CDC42BPB: variants seen among roughly 807,000 people sequenced by gnomAD.
CDC42BPB encodes the protein CDC42 binding protein kinase beta.
In CDC42BPB, 37 loss-of-function variants were observed where a neutral mutation model predicts 214.9. The ratio of observed to expected loss-of-function variants is 0.17; its 90% CI spans 0.13 to 0.23. The LOEUF is 0.23. Among genes scored for constraint, CDC42BPB ranks in the 10% least tolerant of loss-of-function variants. The pLI is 1.00. For missense variants in CDC42BPB, 1,694 were observed against 2,227.0 expected, an observed-to-expected ratio of 0.76 and a Z score of 4.82; for synonymous variants, 931 against 884.0, an observed-to-expected ratio of 1.05 and a Z score of -0.94.
chr14:102,954,306 G>A, intron 22 of CDC42BPB, 31 bp from the exon 23 acceptor site: 1 of 1,482,862 alleles, frequency 6.7e-7, no homozygotes, highest in Non-Finnish European at 9.0e-7. Flanking sequence ...GTGAGTGTCG[G>A]CCCAGCTCAG....
intron 17 of CDC42BPB, chr14:102,966,668 T>A: frequency 3.7e-6 from 1 of 268,628 alleles, no homozygotes; most frequent in Non-Finnish European, 5.7e-6. Context: ...CCACAAAAAT[T>A]AAAAATAAAA....
intron 1 of CDC42BPB, among the ~76,000 whole-genome samples, chr14:103,013,825 G>C (rs1181114069): frequency 4.6e-5 from 7 of 152,162 alleles, no homozygotes; most frequent in Non-Finnish European, 1.0e-4. Flanking sequence ...ATAAATATCT[G>C]TTGTTTAAGC....
intron 4 of CDC42BPB, among the ~76,000 whole-genome samples, chr14:103,003,426 CCT>C (rs1459976003): frequency 6.6e-6 from 1 of 152,186 alleles, no homozygotes; most frequent in Non-Finnish European, 1.5e-5. Flanking sequence ...GAAAGCAAGC[CCT>C]GTTTAAATCG....
chr14:102,939,697 G>A lies in CDC42BPB; in HGVS notation c.4740C>T (p.Ser1580=). ...REMLRDPELR[S]KMISNPTNFN... is the part of the protein sequence containing the mutation. ...AGTTGGTTGGGTTGGATATCATTTT[G>A]GATCTCAATTCTGGGTCTCTAAGCA... Residue 1580 remains serine, a synonymous_variant, in exon 34 of 37, where the codon TCC becomes TCT. Coordinates refer to ENST00000361246, the MANE Select transcript of CDC42BPB (RefSeq NM_006035.4). 6.2e-7 allele frequency: 1 copy of A among 1,614,184 alleles called. No homozygotes were observed. The highest frequency in any genetic ancestry group is 1.6e-4 in the Middle Eastern group (1 of 6,062).
intron 32 of CDC42BPB, 49 bp from the exon 33 acceptor site, chr14:102,939,996 C>T (rs200373977): frequency 2.7e-5 from 44 of 1,613,732 alleles, no homozygotes; most frequent in African/African-American, 9.3e-5. Context: ...CAGGGACACA[C>T]GCCCCTCCAA....
intron 12 of CDC42BPB, among the ~76,000 whole-genome samples, chr14:102,973,662 C>G (rs1344569525): frequency 1.3e-5 from 2 of 152,166 alleles, no homozygotes; most frequent in African/African-American, 4.8e-5. Flanking sequence ...CTGTGCACGG[C>G]CACCATGCCC....
At chr14:102,984,621 G>A (rs34334082) in intron 6 of CDC42BPB, among the ~76,000 whole-genome samples, 3,059 of 152,154 alleles carry the variant, frequency 0.02, 37 homozygotes, top group Middle Eastern at 0.041. Flanking sequence ...CAGAGCAAGC[G>A]GGAGGAGCCT....
chr14:103,036,986 T>C (rs1267443956), intron 1 of CDC42BPB, among the ~76,000 whole-genome samples: 3 of 152,024 alleles, frequency 2.0e-5, no homozygotes, highest in African/African-American at 7.2e-5. Context: ...CAGCTAATTT[T>C]TGTGTTTTTT....
chr14:102,956,122 C>T (rs182408172), intron 21 of CDC42BPB: 3 of 152,286 alleles, frequency 2.0e-5, no homozygotes, highest in South Asian at 2.1e-4. Context: ...AAGCCCCACT[C>T]GTTTCATTTA....
chr14:103,027,451 G>A (rs1392838753), intron 1 of CDC42BPB, among the ~76,000 whole-genome samples: 2 of 152,150 alleles, frequency 1.3e-5, no homozygotes, highest in East Asian at 1.9e-4. Context: ...ATTCGTAATA[G>A]TCAAAAAGTG....
chr14:102,964,905 G>A, intron 18 of CDC42BPB: 4 of 421,218 alleles, frequency 9.5e-6, no homozygotes, highest in Non-Finnish European at 1.3e-5. Flanking sequence ...ATTCTGTAGT[G>A]CAATTTCTTT....
At chr14:102,995,318 G>A (rs1894678664) in intron 5 of CDC42BPB, among the ~76,000 whole-genome samples, 1 of 152,102 alleles carries the variant, frequency 6.6e-6, no homozygotes, top group Admixed American at 6.5e-5. Context: ...GGGAGTACAG[G>A]TGCTCATCAC....
chr14:102,959,108 C>T (rs1247126056), intron 21 of CDC42BPB, among the ~76,000 whole-genome samples: 1 of 151,856 alleles, frequency 6.6e-6, no homozygotes. Flanking sequence ...ACCAGCCTCG[C>T]CAATATGGTG....
intron 20 of CDC42BPB, among the ~76,000 whole-genome samples, chr14:102,962,103 A>G (rs1323176077): frequency 6.6e-6 from 1 of 152,238 alleles, no homozygotes; most frequent in African/African-American, 2.4e-5. Context: ...TTAAACCTCT[A>G]CGGAGATGCT....
intron 21 of CDC42BPB, chr14:102,956,539 G>C (rs1467206408): frequency 2.6e-6 from 1 of 390,204 alleles, no homozygotes; most frequent in African/African-American, 2.2e-5. Flanking sequence ...AAATCACAGA[G>C]GGATTAGCGG....
At chr14:103,035,277 A>T (rs1887604332) in intron 1 of CDC42BPB, among the ~76,000 whole-genome samples, 1 of 152,056 alleles carries the variant, frequency 6.6e-6, no homozygotes, top group Non-Finnish European at 1.5e-5. Context: ...GGCTGGTCTC[A>T]AACTCCTAAT....
At chr14:102,973,993 T>C (rs370683561) in intron 12 of CDC42BPB, 23 bp downstream of exon 12, 1 of 1,585,668 alleles carries the variant, frequency 6.3e-7, no homozygotes, top group Non-Finnish European at 8.6e-7. Flanking sequence ...TAAGCCTTTC[T>C]CACCCCAAAC....
In CDC42BPB at chr14:102,981,031, G is replaced by A. The variant is rs1893973889; in HGVS notation, c.892-10C>T. Reference sequence around the variant, plus strand: ...GGAACTGGAATCGCTCCTGCAAGGGGTGGCAAAAACACCGGTGGACAGGTG... The same window carrying A: ...GGAACTGGAATCGCTCCTGCAAGGGATGGCAAAAACACCGGTGGACAGGTG... On this transcript the variant is annotated splice_polypyrimidine_tract_variant and intron_variant, in intron 7 of 36. Coordinates refer to ENST00000361246, the MANE Select transcript of CDC42BPB (RefSeq NM_006035.4). 1.9e-6 allele frequency: 3 copies of A among 1,613,942 alleles called. No homozygotes were observed. Among genetic ancestry groups the A allele is most frequent in the Non-Finnish European group, 1.7e-6 (2 of 1,179,894 alleles).
rs1178209792 is a variant in CDC42BPB at position 102,944,858 on chromosome 14, C to A, written c.3812-371G>T. ...TGATCTGGGCCTCCTTCCAGCTCATCCCCGAACCAGAGGGCCCTCACGCTG... is the reference window on the plus strand; with the variant it reads ...TGATCTGGGCCTCCTTCCAGCTCATACCCGAACCAGAGGGCCCTCACGCTG... On this transcript the variant is annotated intron_variant, in intron 29 of 36. Coordinates refer to ENST00000361246, the MANE Select transcript of CDC42BPB (RefSeq NM_006035.4). The surrounding 1 kb of genome is among the most constrained non-coding windows in gnomAD (Gnocchi z 6.6). Among the ~76,000 whole-genome samples the A allele has an allele frequency of 2.6e-5, 4 of 152,316 alleles. No individual in the cohort carries two copies. The highest frequency in any genetic ancestry group is 9.6e-5 in the African/African-American group (4 of 41,556).
Sources: allele counts gnomAD v4.1 joint callset (sites outside exome capture counted in the v4.1 genomes callset), GRCh38; gene constraint gnomAD v4.1.1; non-coding constraint Gnocchi (gnomAD v3.1); transcripts MANE v1.5; gene names NCBI Gene and HGNC (gene_info 2026-07-23, HGNC 2026-07-21).